NOSIP: variants seen among roughly 807,000 people sequenced by gnomAD.
NOSIP encodes the protein nitric oxide synthase-interacting protein.
NOSIP carries 25 observed loss-of-function variants against 36.4 expected under a neutral mutation model. The observed-to-expected ratio is 0.69, with a 90% CI of 0.50 to 0.96. The LOEUF (loss-of-function observed/expected upper bound fraction) is 0.96. Ranked by LOEUF, NOSIP falls within the 40% of genes least tolerant of loss-of-function variation. The pLI is 0.00. For missense variants in NOSIP, 370 were observed against 429.0 expected, an observed-to-expected ratio of 0.86 and a Z score of 1.21; for synonymous variants, 187 against 179.2, an observed-to-expected ratio of 1.04 and a Z score of -0.35.
At chr19:49,569,222 G>A (rs1303637452) in intron 1 of NOSIP, among the ~76,000 whole-genome samples, 1 of 135,400 alleles carries the variant, frequency 7.4e-6, no homozygotes, top group African/African-American at 2.8e-5. Flanking sequence ...TTTTTGAGAC[G>A]TTATCTCGCT....
In NOSIP at chr19:49,559,937, A is replaced by G; in HGVS notation, c.173T>C (p.Val58Ala). The G allele has an allele frequency of 6.2e-7, 1 of 1,609,900 alleles. No homozygotes were observed. The change falls in exon 3 of 9, where the codon GTC (valine) becomes GCC (alanine). Residue 58 changes from valine to alanine, a missense_variant. Around this residue, in one of 3 missense-constraint regions of NOSIP, gnomAD observed 315 missense variants for 331.9 expected, o/e 0.95. Transcript: ENST00000596358. ...CCCATCCCTGTTCCCAGCTCACGTG[A>G]CAACAGGATCGTGGCAAGGCTGCAG... ...LSLQPCHDPVVTPDGYLYERE... is the reference protein window; with the variant it reads ...LSLQPCHDPVATPDGYLYERE...
intron 1 of NOSIP, among the ~76,000 whole-genome samples, chr19:49,561,762 A>T (rs1223064677): frequency 6.6e-6 from 1 of 152,066 alleles, no homozygotes; most frequent in Non-Finnish European, 1.5e-5. Context: ...CACGCCAGTA[A>T]TCCCAACTAC....
chr19:49,563,516 C>T (rs1461684011), intron 1 of NOSIP, among the ~76,000 whole-genome samples: 10 of 141,864 alleles, frequency 7.0e-5, no homozygotes, highest in South Asian at 4.4e-4. Flanking sequence ...TTTTTGAGAT[C>T]GAGTTTTGCT....
intron 1 of NOSIP, among the ~76,000 whole-genome samples, chr19:49,568,674 G>A (rs1055551682): frequency 5.3e-5 from 8 of 151,688 alleles, no homozygotes; most frequent in Non-Finnish European, 2.9e-5. Flanking sequence ...GCTGGGTGCC[G>A]TGGCTCATGC....
rs981289258 is a variant in NOSIP, at chr19:49,577,786, A to T, written c.-2+2729T>A. 2.6e-4 allele frequency among the ~76,000 whole-genome samples: 36 copies of T among 140,642 alleles called. 1 individual carries two copies. The highest frequency in any genetic ancestry group is 4.4e-4 in the Non-Finnish European group (28 of 64,258). 92.3% of individuals were successfully genotyped at this position (140,642 alleles called of 152,430 possible). ...TCTCGGGAAAAAAAAAAAAAAAAAG[A>T]AGTATTGATACATGCCACAACATAG... On this transcript the variant is annotated intron_variant, in intron 1 of 8. Coordinates refer to ENST00000596358, the MANE Select transcript of NOSIP (RefSeq NM_001270960.2).
At chr19:49,556,808 G>A in intron 6 of NOSIP, 67 bp downstream of exon 6, 2 of 1,595,482 alleles carry the variant, frequency 1.3e-6, no homozygotes, top group African/African-American at 1.3e-5. Flanking sequence ...GTCCCTGTGC[G>A]TGAGGAGGAC....
At position 49,568,579 on chromosome 19, in the gene NOSIP, A is replaced by G. The variant is rs140329218; in HGVS notation, c.-1-7887T>C. On this transcript the variant is annotated intron_variant, in intron 1 of 8. Transcript: ENST00000596358. ...ATAAATTCACATTTTCAAAATAAGC[A>G]TTATAGCAGAACTGATGGTACATGA... Among the ~76,000 whole-genome samples the G allele has an allele frequency of 3.9e-5, 6 of 152,206 alleles. 1 individual carries two copies. The East Asian group carries it at 9.6e-4, about 24-fold the overall frequency.
intron 1 of NOSIP, among the ~76,000 whole-genome samples, chr19:49,571,287 ACT>A (rs913508717): frequency 2.0e-5 from 3 of 151,666 alleles, no homozygotes; most frequent in African/African-American, 4.8e-5. Flanking sequence ...CACCCGGCAA[ACT>A]CTTTGATTTT....
At chr19:49,568,133 A>G (rs982414474) in intron 1 of NOSIP, among the ~76,000 whole-genome samples, 2 of 152,208 alleles carry the variant, frequency 1.3e-5, no homozygotes, top group African/African-American at 4.8e-5. Context: ...GGTGATGCTT[A>G]AAGAAAAAGA....
At chr19:49,573,054 C>T (rs570463355) in intron 1 of NOSIP, among the ~76,000 whole-genome samples, 7 of 150,780 alleles carry the variant, frequency 4.6e-5, no homozygotes, top group South Asian at 2.1e-4. Context: ...ACACCTCAAA[C>T]GGTCGAATAT....
chr19:49,564,314 C>T (rs1398911207), intron 1 of NOSIP, among the ~76,000 whole-genome samples: 6 of 151,752 alleles, frequency 4.0e-5, no homozygotes, highest in East Asian at 3.9e-4. Flanking sequence ...GTTAGCTGGT[C>T]GTGGTGGTGT....
Position 49,569,591 on chromosome 19 carries a change from G to T in NOSIP, c.-1-8899C>A, listed in dbSNP as rs1441826080. Among the ~76,000 whole-genome samples the T allele has an allele frequency of 2.0e-5, 3 of 150,024 alleles. No homozygotes were observed. The East Asian group carries it at 6.2e-4, about 31-fold the overall frequency. ...GGAGGCCGAGGTGGGCGGATCACTT[G>T]AGGTCAGGAGTTTTGAGACCAGCCT... is the stretch of plus-strand genomic sequence containing the variant. On this transcript the variant is annotated intron_variant, in intron 1 of 8. Coordinates refer to ENST00000596358, the MANE Select transcript of NOSIP (RefSeq NM_001270960.2).
chr19:49,577,767 GAAAAAA>G (rs61302412), intron 1 of NOSIP, among the ~76,000 whole-genome samples: 8 of 121,684 alleles, frequency 6.6e-5, no homozygotes, highest in Admixed American at 4.8e-4. Flanking sequence ...CGTGTCTCGG[GAAAAAA>G]AAAAAAAAAA....
intron 8 of NOSIP, among the ~76,000 whole-genome samples, 182 bp downstream of exon 8, chr19:49,556,135 G>GT (rs1251030697): frequency 6.2e-5 from 4 of 64,924 alleles, no homozygotes; most frequent in African/African-American, 5.8e-4. Flanking sequence ...CTAGGAGAGC[G>GT]GAGGGGGGGA....
In NOSIP at chr19:49,562,118, CTGTT is replaced by C. The variant is rs536428893; in HGVS notation, c.-1-1430_-1-1427del. Among the ~76,000 whole-genome samples, 44 of 152,104 alleles carry C rather than the reference CTGTT, an allele frequency of 2.9e-4. No homozygotes were observed. The East Asian group carries it at 6.6e-3, about 23-fold the overall frequency. On this transcript the variant is annotated intron_variant, in intron 1 of 8. Transcript: ENST00000596358. ...CTTGGCCAGTAAACAGCCTGCATGC[CTGTT>C]TGTTTGTTTGTTTTTTGAGACGGAG...
chr19:49,569,366 T>C (rs2080455149), intron 1 of NOSIP, among the ~76,000 whole-genome samples: 2 of 148,764 alleles, frequency 1.3e-5, no homozygotes, highest in Non-Finnish European at 3.0e-5. Flanking sequence ...GCTAATTTTT[T>C]TTATTTTTTT....
Position 49,560,306 on chromosome 19 carries a change from C to T in NOSIP, c.71-267G>A. ...GGCTGACGGCTGACTCCCCTCCACC[C>T]TTCTGACTGTGACCAAGCTCAAGTG... On this transcript the variant is annotated intron_variant, in intron 2 of 8. Transcript: ENST00000596358. This position sits in a 1 kb window ranked among gnomAD's most constrained non-coding sequence, Gnocchi z 4.6. 2 of 577,150 alleles carry T rather than the reference C, an allele frequency of 3.5e-6. No individual in the cohort carries two copies. Among genetic ancestry groups the T allele is most frequent in the Admixed American group, 3.1e-5 (1 of 32,660 alleles). The allele number at this position is 577,150 out of a possible 1,614,324, so 35.8% of individuals were successfully genotyped here.
At chr19:49,561,193 A>C (rs932917751) in intron 1 of NOSIP, among the ~76,000 whole-genome samples, 1 of 152,124 alleles carries the variant, frequency 6.6e-6, no homozygotes, top group Non-Finnish European at 1.5e-5. Flanking sequence ...GCTTGACCCA[A>C]TCGCTGCCTG....
At chr19:49,556,818 C>A in intron 6 of NOSIP, 57 bp downstream of exon 6, 1 of 1,596,250 alleles carries the variant, frequency 6.3e-7, no homozygotes, top group Non-Finnish European at 8.6e-7. Flanking sequence ...GTGAGGAGGA[C>A]GGTGGGGAAC....
Sources: gnomAD v4.1 joint callset for allele counts (sites outside exome capture counted in the v4.1 genomes callset) on GRCh38, gnomAD v4.1.1 for gene constraint, gnomAD v4.1.1 regional missense constraint, Gnocchi (gnomAD v3.1) non-coding constraint, MANE v1.5 for transcripts, NCBI Gene and HGNC (gene_info 2026-07-23, HGNC 2026-07-21) for gene names.